Variants in ANK2 observed in about 807,000 individuals in gnomAD.
ANK2 encodes the protein ankyrin-2.
ANK2 carries 83 observed loss-of-function variants against 360.5 expected under a neutral mutation model. That is an observed-to-expected ratio of 0.23 (90% CI 0.19 to 0.28). The LOEUF (loss-of-function observed/expected upper bound fraction) is 0.28, where lower values mean the gene tolerates loss of function less well. Among genes scored for constraint, ANK2 ranks in the 10% least tolerant of loss-of-function variants. The probability of loss-of-function intolerance (pLI) is 1.00; values close to 1 mark genes in which losing one functional copy is unlikely to be tolerated. For synonymous variants in ANK2, 1,740 were observed against 1,759.5 expected (o/e 0.99, Z 0.28); for missense variants, 4,201 against 4,795.7 (o/e 0.88, Z 3.66).
chr4:113,186,666 T>A (rs1469443709), intron 2 of ANK2, among the ~76,000 whole-genome samples: 1 of 151,720 alleles, frequency 6.6e-6, no homozygotes, highest in Non-Finnish European at 1.5e-5. Flanking sequence ...AATCCTATGA[T>A]CTCTAGTCTT....
Position 113,145,908 on chromosome 4 carries a change from A to G in ANK2, c.85-28508A>G, listed in dbSNP as rs1235009220. 3.9e-6 allele frequency: 5 copies of G among 1,289,846 alleles called. No homozygotes were observed. The highest frequency in any genetic ancestry group is 5.1e-6 in the Non-Finnish European group (5 of 988,850). 79.9% of individuals were successfully genotyped at this position (1,289,846 alleles called of 1,614,324 possible). The stretch of plus-strand genomic sequence containing the variant: ...CCTCTGCTCTTCTTGCCATGCGGAT[A>G]AGAGCATAAGAGCACAAGGAAACAT... On this transcript the variant is annotated intron_variant, in intron 1 of 45. Transcript: ENST00000357077.
chr4:113,135,612 AT>A (rs1300550474), intron 1 of ANK2, among the ~76,000 whole-genome samples: 1 of 152,006 alleles, frequency 6.6e-6, no homozygotes, highest in Non-Finnish European at 1.5e-5. Flanking sequence ...TTTCCCTGAC[AT>A]TAGCAATGAT....
chr4:113,119,558 A>G (rs2095194026), intron 1 of ANK2, among the ~76,000 whole-genome samples: 1 of 152,190 alleles, frequency 6.6e-6, no homozygotes, highest in Non-Finnish European at 1.5e-5. Flanking sequence ...GCATTCTGGA[A>G]TACCATCTGC....
At chr4:113,374,713 A>G (rs2096864005) in intron 45 of ANK2, 2 of 988,346 alleles carry the variant, frequency 2.0e-6, no homozygotes, top group Admixed American at 5.5e-5. Context: ...AATTCATCAT[A>G]GTTACATTTG....
the ANK2 span, among the ~76,000 whole-genome samples, chr4:112,783,113 T>A: frequency 2.0e-5 from 3 of 151,988 alleles, no homozygotes; most frequent in African/African-American, 7.2e-5. Context: ...TTTCACTATG[T>A]TGGCCAGGCT....
intron 2 of ANK2, among the ~76,000 whole-genome samples, chr4:113,196,073 A>C (rs1431186008): frequency 2.6e-5 from 4 of 152,202 alleles, no homozygotes; most frequent in Admixed American, 6.5e-5. Flanking sequence ...AATGGTATAA[A>C]ATTGTTCTCT....
chr4:113,369,245 A>G (rs1202376200), intron 42 of ANK2, among the ~76,000 whole-genome samples: 1 of 152,214 alleles, frequency 6.6e-6, no homozygotes, highest in East Asian at 1.9e-4. Flanking sequence ...TACATTGTAG[A>G]GGTTGGGTAA....
chr4:112,761,504 CA>C, the ANK2 span, among the ~76,000 whole-genome samples: 2 of 152,134 alleles, frequency 1.3e-5, no homozygotes, highest in African/African-American at 4.8e-5. Context: ...CCTGCAGTCC[CA>C]GCTGTTCAGG....
intron 2 of ANK2, among the ~76,000 whole-genome samples, chr4:112,994,323 A>G (rs1346428282): frequency 1.3e-5 from 2 of 152,222 alleles, no homozygotes; most frequent in African/African-American, 2.4e-5. Flanking sequence ...GAACACTTCT[A>G]TGTTTTTGGC....
At chr4:113,217,143 T>C (rs1209236780) in intron 4 of ANK2, 1 of 152,186 alleles carries the variant, frequency 6.6e-6, no homozygotes, top group Non-Finnish European at 1.5e-5. Context: ...AACTGTGTGT[T>C]CTCTGTCCTT....
intron 9 of ANK2, among the ~76,000 whole-genome samples, chr4:113,246,743 C>A (rs1338675074): frequency 6.6e-6 from 1 of 152,080 alleles, no homozygotes; most frequent in African/African-American, 2.4e-5. Context: ...AAAGCAGTAA[C>A]AATAATGGTT....
the ANK2 span, among the ~76,000 whole-genome samples, chr4:112,706,111 C>A: frequency 9.2e-5 from 14 of 151,398 alleles, no homozygotes; most frequent in African/African-American, 3.1e-4. Context: ...GAGACCCGGG[C>A]GTGACAGGAG....
chr4:113,268,572 C>T lies in ANK2; in HGVS notation c.1485+3577C>T, dbSNP rs570620169. Among the ~76,000 whole-genome samples the T allele has an allele frequency of 2.6e-5, 4 of 152,254 alleles. No individual in the cohort carries two copies. The South Asian group carries it at 6.2e-4, about 24-fold the overall frequency. On this transcript the variant is annotated intron_variant, in intron 14 of 45. Coordinates refer to ENST00000357077, the MANE Select transcript of ANK2 (RefSeq NM_001148.6). ...CATTTATTGATTTGCATATGTTGAA[C>T]CAGTCCTGCATCCCAGGGATGAAGC...
chr4:112,964,561 CTTTTCTT>C (rs1346354299), intron 2 of ANK2, among the ~76,000 whole-genome samples: 3 of 149,452 alleles, frequency 2.0e-5, no homozygotes, highest in African/African-American at 4.9e-5. Flanking sequence ...ACCACATTTT[CTTTTCTT>C]TTTTCTTTTT....
intron 2 of ANK2, among the ~76,000 whole-genome samples, chr4:112,924,011 A>T (rs186408048): frequency 1.2e-4 from 18 of 152,348 alleles, no homozygotes; most frequent in East Asian, 5.8e-4. Context: ...AAAGTTAATT[A>T]AAAAGGTGAA....
intron 31 of ANK2, among the ~76,000 whole-genome samples, chr4:113,337,948 A>G (rs1424728340): frequency 6.6e-6 from 1 of 152,250 alleles, no homozygotes; most frequent in Non-Finnish European, 1.5e-5. Flanking sequence ...GTGATTAAAT[A>G]AACACTCTAG....
At chr4:112,814,379 G>A (rs1256585640), upstream of ANK2, among the ~76,000 whole-genome samples, 2 of 152,138 alleles carry the variant, frequency 1.3e-5, no homozygotes, top group Non-Finnish European at 2.9e-5. Context: ...AAGGGTGTTA[G>A]AGGCCATGAT....
chr4:113,254,292 A>G (rs193290994), intron 10 of ANK2, among the ~76,000 whole-genome samples: 65 of 152,328 alleles, frequency 4.3e-4, no homozygotes, highest in Admixed American at 1.0e-3. Context: ...CTCGATAGAG[A>G]CGGGGGTTTC....
chr4:113,114,034 C>G (rs1053730206), intron 1 of ANK2, among the ~76,000 whole-genome samples: 8 of 152,062 alleles, frequency 5.3e-5, no homozygotes, highest in African/African-American at 1.9e-4. Context: ...CAATCTGTTC[C>G]TTAATTAAGG....
Sources: allele counts gnomAD v4.1 joint callset (sites outside exome capture counted in the v4.1 genomes callset), GRCh38; gene constraint gnomAD v4.1.1; transcripts MANE v1.5; gene names NCBI Gene and HGNC (gene_info 2026-07-23, HGNC 2026-07-21).